The following CD151 variants were observed in gnomAD, a reference collection of about 807,000 sequenced individuals.
CD151 encodes CD151 antigen.
Under a neutral mutation model 34.2 loss-of-function variants are expected in CD151, and 20 were observed. That is an observed-to-expected ratio of 0.58 (90% CI 0.41 to 0.85). The LOEUF (loss-of-function observed/expected upper bound fraction) is 0.85. CD151 is among the 40% of genes least tolerant of loss of function. The pLI is 0.00. For synonymous variants in CD151, 157 were observed against 131.7 expected, an observed-to-expected ratio of 1.19 and a Z score of -1.32; for missense variants, 306 against 324.5, an observed-to-expected ratio of 0.94 and a Z score of 0.44.
intron 7 of CD151, 36 bp downstream of exon 7, chr11:837,654 C>A: frequency 3.2e-6 from 5 of 1,540,676 alleles, no homozygotes; most frequent in Admixed American, 1.9e-5. Flanking sequence ...CCAGTGTCTA[C>A]GAGGTGGTGG....
chr11:833,524 C>G (rs1846619705), intron 1 of CD151, among the ~76,000 whole-genome samples: 1 of 152,222 alleles, frequency 6.6e-6, no homozygotes, highest in Admixed American at 6.5e-5. Flanking sequence ...CCCAGGTCCC[C>G]CTGACTGGGG....
rs200405384 is a variant in CD151 at position 836,067 on chromosome 11, A to G, written c.-3A>G. On this transcript the variant is annotated 5_prime_UTR_variant, in exon 3 of 9. Coordinates refer to ENST00000397420, the MANE Select transcript of CD151 (RefSeq NM_004357.5). The stretch of plus-strand genomic sequence containing the variant: ...ACCCCTCCCCTGCCTCCTCAGCCCC[A>G]GGATGGGTGAGTTCAACGAGAAGAA... The G allele has an allele frequency of 1.9e-6, 3 of 1,607,786 alleles. No individual in the cohort carries two copies. Among genetic ancestry groups the G allele is most frequent in the East Asian group, 2.2e-5 (1 of 44,874 alleles).
rs1281857122 is a variant in CD151 at position 838,450 on chromosome 11, G to A, written c.*258G>A. The A allele has an allele frequency of 5.1e-6, 3 of 586,270 alleles. No individual in the cohort carries two copies. Among genetic ancestry groups the A allele is most frequent in the Non-Finnish European group, 9.1e-6 (3 of 328,546 alleles). 36.3% of individuals were successfully genotyped at this position (586,270 alleles called of 1,614,324 possible). A position where few individuals can be genotyped will look rare whatever the true frequency, so the allele number is the denominator to read the frequency against. ...ACTCTCTGCCTGGTGGTCAGATGCA[G>A]GTTGGAAGGGGCCTTGCTGAGTGGC... On this transcript the variant is annotated 3_prime_UTR_variant, in exon 9 of 9. Transcript: ENST00000397420.
chr11:837,660 G>C (rs754325918), intron 7 of CD151, 42 bp downstream of exon 7: 8 of 1,501,454 alleles, frequency 5.3e-6, no homozygotes, highest in Non-Finnish European at 7.2e-6. Flanking sequence ...TCTACGAGGT[G>C]GTGGGGGGGC....
chr11:836,185 C>T, intron 3 of CD151, 32 bp downstream of exon 3: 1 of 1,472,862 alleles, frequency 6.8e-7, no homozygotes, highest in Non-Finnish European at 9.5e-7. Context: ...CCCACCCCCA[C>T]CCCCACCCCT....
intron 8 of CD151, 23 bp from the exon 9 acceptor site, chr11:838,109 AC>A: frequency 6.2e-7 from 1 of 1,612,048 alleles, no homozygotes; most frequent in South Asian, 1.1e-5. Context: ...ACGTCTGCTT[AC>A]GCCCACCCGG....
chr11:835,834 C>T (rs926258104), intron 2 of CD151: 7 of 471,864 alleles, frequency 1.5e-5, no homozygotes, highest in East Asian at 4.0e-5. Flanking sequence ...ACTACAGGCG[C>T]CCGCCACCAC....
intron 5 of CD151, 183 bp from the exon 6 acceptor site, chr11:837,063 CTTCA>C (rs1415259830): frequency 7.6e-6 from 5 of 659,314 alleles, no homozygotes; most frequent in South Asian, 3.6e-5. Flanking sequence ...CTCTGCCGCA[CTTCA>C]TTGTCACCCT....
chr11:835,962 C>T lies in CD151; in HGVS notation c.-7-101C>T, dbSNP rs1337867058. ...TTGGCCCCCCAAAGTGCTGGGATTA[C>T]AGGCGTGAGCCACCGCGCCTGGCCC... On this transcript the variant is annotated intron_variant, in intron 2 of 8. Transcript: ENST00000397420. 4.2e-6 allele frequency: 3 copies of T among 719,284 alleles called. No homozygotes were observed. In the East Asian group the frequency reaches 7.9e-5, roughly 19 times the overall value. 44.6% of individuals were successfully genotyped at this position (719,284 alleles called of 1,614,324 possible).
chr11:833,409 C>T (rs1846611494), intron 1 of CD151, among the ~76,000 whole-genome samples: 1 of 152,218 alleles, frequency 6.6e-6, no homozygotes, highest in African/African-American at 2.4e-5. Flanking sequence ...CCCGCAGCAG[C>T]CCCCGCCCGC....
chr11:836,171 T>TGG lies in CD151; in HGVS notation c.84+19_84+20insGG. 1.9e-6 allele frequency: 3 copies of TGG among 1,563,394 alleles called. No homozygotes were observed. Among genetic ancestry groups the TGG allele is most frequent in the African/African-American group, 1.3e-5 (1 of 74,156 alleles). ...GCTTCTGGGTGAGGAGGGGTCGCCT[T>TGG]GCCCCCACCCCCACCCCCACCCCTC... On this transcript the variant is annotated intron_variant, in intron 3 of 8. Transcript: ENST00000397420.
In CD151 at chr11:836,317, C is replaced by T. The variant is rs1477204257; in HGVS notation, c.151C>T (p.Leu51=). 9 of 1,612,690 alleles carry T rather than the reference C, an allele frequency of 5.6e-6. No homozygotes were observed. The highest frequency in any genetic ancestry group is 3.3e-5 in the Admixed American group (2 of 60,006). ...GGCCCTCAAGAGTGACTACATCAGC[C>T]TGCTGGCCTCAGGCACCTACCTGGC... ...TLALKSDYIS[L]LASGTYLATA... Residue 51 remains leucine (L), a synonymous_variant, in exon 4 of 9, where the codon CTG becomes TTG. Coordinates refer to ENST00000397420, the MANE Select transcript of CD151 (RefSeq NM_004357.5).
chr11:837,859 C>T, intron 7 of CD151, 83 bp from the exon 8 acceptor site: 1 of 1,163,272 alleles, frequency 8.6e-7, no homozygotes, highest in South Asian at 1.4e-5. Flanking sequence ...GTGGGTTTGG[C>T]CACACCCTGG....
chr11:837,926 C>T lies in CD151; in HGVS notation c.616-16C>T, dbSNP rs761052755. The T allele has an allele frequency of 1.2e-6, 2 of 1,600,282 alleles. No individual in the cohort carries two copies. The highest frequency in any genetic ancestry group is 1.3e-5 in the African/African-American group (1 of 74,768). On this transcript the variant is annotated splice_polypyrimidine_tract_variant and intron_variant, in intron 7 of 8. Coordinates refer to ENST00000397420, the MANE Select transcript of CD151 (RefSeq NM_004357.5). The stretch of plus-strand genomic sequence containing the variant: ...GCCCCCTGGGCCCGCCTTCAACACC[C>T]ATCCGCGCCCCGCAGGGCGGCTGCA...
intron 2 of CD151, chr11:835,187 CTG>C (rs1846706433): frequency 6.6e-6 from 1 of 152,248 alleles, no homozygotes; most frequent in Non-Finnish European, 1.5e-5. Flanking sequence ...CCTGTCCTGT[CTG>C]TGGGCACCAG....
chr11:837,623 G>A lies in CD151; in HGVS notation c.615+5G>A. 1 of 1,611,046 alleles carries A rather than the reference G, an allele frequency of 6.2e-7. No homozygotes were observed. Among genetic ancestry groups the A allele is most frequent in the Non-Finnish European group, 8.5e-7 (1 of 1,179,388 alleles). On this transcript the variant is annotated splice_donor_5th_base_variant and intron_variant, in intron 7 of 8. Transcript: ENST00000397420. ...TCCAACATCTACAAGGTGGAGGTGG[G>A]TGTGCAGCGGGATCATGCCTCCAGT...
At position 838,513 on chromosome 11, in the gene CD151, C is replaced by A; in HGVS notation, c.*321C>A. ...GTTCCCAGCAGGGGGAGAAACCCTT[C>A]ACACCCCAGGCCCTTCAGGAACTGG... On this transcript the variant is annotated 3_prime_UTR_variant, in exon 9 of 9. Transcript: ENST00000397420. The A allele has an allele frequency of 2.0e-6, 1 of 495,680 alleles. No individual in the cohort carries two copies. The highest frequency in any genetic ancestry group is 3.6e-6 in the Non-Finnish European group (1 of 274,192). The allele number at this position is 495,680 out of a possible 1,614,324, so 30.7% of individuals were successfully genotyped here. A position where few individuals can be genotyped will look rare whatever the true frequency, so the allele number is the denominator to read the frequency against.
rs1565115644 is a variant in CD151 at position 833,819 on chromosome 11, C to CCCACCAT, written c.-69-710_-69-709insCACCATC. Among the ~76,000 whole-genome samples the CCCACCAT allele has an allele frequency of 5.3e-3, 449 of 84,946 alleles. 31 individuals carry two copies. Among genetic ancestry groups the CCCACCAT allele is most frequent in the Non-Finnish European group, 5.9e-3 (238 of 40,428 alleles). 55.7% of individuals were successfully genotyped at this position (84,946 alleles called of 152,430 possible). A position where few individuals can be genotyped will look rare whatever the true frequency, so the allele number is the denominator to read the frequency against. ...CCCCCATCGGTGGCAGACGCACACC[C>CCCACCAT]CGCCCCCCGGTGGCAGACACATCCC... On this transcript the variant is annotated intron_variant, in intron 1 of 8. Coordinates refer to ENST00000397420, the MANE Select transcript of CD151 (RefSeq NM_004357.5).
In CD151 at chr11:837,871, G is replaced by A. The variant is rs35264386; in HGVS notation, c.616-71G>A. On this transcript the variant is annotated intron_variant, in intron 7 of 8. Transcript: ENST00000397420. ...GGGGTGGGTTTGGCCACACCCTGGA[G>A]GCTGGAGGCAGTAGGGGCCAGTGGG... 80 of 1,252,034 alleles carry A rather than the reference G, an allele frequency of 6.4e-5. No homozygotes were observed. The African/African-American group carries it at 1.1e-3, about 17-fold the overall frequency. 77.6% of individuals were successfully genotyped at this position (1,252,034 alleles called of 1,614,324 possible).
Sources: gnomAD v4.1 joint callset for allele counts (sites outside exome capture counted in the v4.1 genomes callset) on GRCh38, gnomAD v4.1.1 for gene constraint, MANE v1.5 for transcripts, NCBI Gene and HGNC (gene_info 2026-07-23, HGNC 2026-07-21) for gene names.